The following DAG1 variants were observed in gnomAD, a reference collection of about 807,000 sequenced individuals.
DAG1 encodes the protein dystroglycan 1.
DAG1 carries 8 observed loss-of-function variants against 46.1 expected under a neutral mutation model. The ratio of observed to expected loss-of-function variants is 0.17; its 90% confidence interval spans 0.10 to 0.31. DAG1 has a LOEUF of 0.31. DAG1 is among the 10% of genes least tolerant of loss of function. The probability of loss-of-function intolerance (pLI) is 1.00; values close to 1 mark genes in which losing one functional copy is unlikely to be tolerated. For missense variants in DAG1, 1,003 were observed against 1,189.9 expected (o/e 0.84, Z 2.31); for synonymous variants, 495 against 481.8 (o/e 1.03, Z -0.36).
At chr3:49,495,234 A>G (rs2050281077) in intron 1 of DAG1, among the ~76,000 whole-genome samples, 1 of 152,196 alleles carries the variant, frequency 6.6e-6, no homozygotes, top group African/African-American at 2.4e-5. Flanking sequence ...TCAGAAGGCA[A>G]CTTTCAGTTT....
intron 2 of DAG1, among the ~76,000 whole-genome samples, chr3:49,511,815 C>T (rs2050768011): frequency 6.6e-6 from 1 of 152,216 alleles, no homozygotes; most frequent in Non-Finnish European, 1.5e-5. Flanking sequence ...CACCAAGCTC[C>T]AGGCAGTAAA....
At chr3:49,484,316 CGTT>C (rs932408781) in intron 1 of DAG1, among the ~76,000 whole-genome samples, 6 of 151,964 alleles carry the variant, frequency 3.9e-5, no homozygotes, top group Non-Finnish European at 8.8e-5. Context: ...TAGCAGGAGA[CGTT>C]GGTTCTTCTG....
At chr3:49,517,793 G>T (rs890585873) in intron 2 of DAG1, among the ~76,000 whole-genome samples, 2 of 152,212 alleles carry the variant, frequency 1.3e-5, no homozygotes, top group South Asian at 2.1e-4. Flanking sequence ...CATAGGACCT[G>T]TTTCGAAGTA....
intron 1 of DAG1, among the ~76,000 whole-genome samples, chr3:49,504,409 C>T (rs1210576761): frequency 2.0e-5 from 3 of 152,132 alleles, no homozygotes; most frequent in South Asian, 4.1e-4. Context: ...CATTGAAGGA[C>T]ATCTGGGTTG....
At chr3:49,486,410 G>A (rs192548779) in intron 1 of DAG1, among the ~76,000 whole-genome samples, 2 of 151,662 alleles carry the variant, frequency 1.3e-5, no homozygotes, top group Admixed American at 1.3e-4. Flanking sequence ...AGTAGAGACA[G>A]GGTTTCACCG....
chr3:49,518,335 G>A (rs1337813534), intron 2 of DAG1, among the ~76,000 whole-genome samples: 1 of 152,168 alleles, frequency 6.6e-6, no homozygotes, highest in Non-Finnish European at 1.5e-5. Flanking sequence ...TTAGATGCTG[G>A]TCTGTTGAAG....
intron 2 of DAG1, among the ~76,000 whole-genome samples, chr3:49,521,249 C>T (rs1233464818): frequency 6.6e-6 from 1 of 151,978 alleles, no homozygotes; most frequent in Non-Finnish European, 1.5e-5. Flanking sequence ...CTGCAAGCTC[C>T]GCCTCCTGGG....
At chr3:49,515,390 T>TG (rs1320382943) in intron 2 of DAG1, among the ~76,000 whole-genome samples, 9 of 147,308 alleles carry the variant, frequency 6.1e-5, no homozygotes, top group Admixed American at 1.4e-4. Flanking sequence ...CTTGTGTTGT[T>TG]TTTTTTTTTT....
chr3:49,483,236 T>C (rs1392009152), intron 1 of DAG1, among the ~76,000 whole-genome samples: 4 of 150,502 alleles, frequency 2.7e-5, no homozygotes, highest in African/African-American at 7.4e-5. Flanking sequence ...ACAGTTTTAG[T>C]CTTGTTGCCC....
Position 49,532,559 on chromosome 3 carries a change from AG to A in DAG1, c.2050del (p.Asp684MetfsTer13). The A allele has an allele frequency of 6.2e-7, 1 of 1,612,856 alleles. No homozygotes were observed. The highest frequency in any genetic ancestry group is 8.5e-7 in the Non-Finnish European group (1 of 1,178,946). On this transcript the variant is annotated frameshift_variant, in exon 3 of 3. Transcript: ENST00000308775. LOFTEE classifies it high-confidence loss of function. The surrounding 1 kb of genome is among the most constrained non-coding windows in gnomAD (Gnocchi z 5.4). ...QIAGLSRRIA[E>X]DDGKPRPAFS... Reference sequence around the variant, plus strand: ...GCTGGGCTGAGCCGCCGGATCGCTGAGGATGATGGAAAACCTCGGCCTGCCT... The same window carrying A: ...GCTGGGCTGAGCCGCCGGATCGCTGAGATGATGGAAAACCTCGGCCTGCCT...
At position 49,533,851 on chromosome 3, in the gene DAG1, A is replaced by T. The variant is rs568031131; in HGVS notation, c.*652A>T. On this transcript the variant is annotated 3_prime_UTR_variant, in exon 3 of 3. Coordinates refer to ENST00000308775, the MANE Select transcript of DAG1 (RefSeq NM_004393.6). ...AATACTATTTTTTCACACTACGTCA[A>T]CTTGGTTGCTCTGATACCCCAGAGC... 51 of 181,482 alleles carry T rather than the reference A, an allele frequency of 2.8e-4. No homozygotes were observed. The Middle Eastern group carries it at 8.2e-3, about 29-fold the overall frequency. 11.2% of individuals were successfully genotyped at this position (181,482 alleles called of 1,614,324 possible).
In DAG1 at chr3:49,532,830, C is replaced by T; in HGVS notation, c.2319C>T (p.Ile773=). The change falls in exon 3 of 3, where the codon ATC becomes ATT. Residue 773 remains isoleucine (I), a synonymous_variant. Coordinates refer to ENST00000308775, the MANE Select transcript of DAG1 (RefSeq NM_004393.6). The surrounding 1 kb of genome is among the most constrained non-coding windows in gnomAD (Gnocchi z 5.4). Reference sequence around the variant, plus strand: ...TCATTGCTGGCATCATTGCCATGATCTGCTACCGCAAGAAGCGGAAGGGCA... The same window carrying T: ...TCATTGCTGGCATCATTGCCATGATTTGCTACCGCAAGAAGCGGAAGGGCA... The part of the protein sequence containing the change: ...ILLIAGIIAM[I]CYRKKRKGKL... 1 of 1,614,104 alleles carries T rather than the reference C, an allele frequency of 6.2e-7. No homozygotes were observed. Among genetic ancestry groups the T allele is most frequent in the Non-Finnish European group, 8.5e-7 (1 of 1,180,008 alleles).
At position 49,512,377 on chromosome 3, in the gene DAG1, A is replaced by G. The variant is rs538592577; in HGVS notation, c.285+1558A>G. ...GTCACCACGCCCAGCTAATTTTTAA[A>G]TTTTAATTTATTTTAATTAATTAAT... On this transcript the variant is annotated intron_variant, in intron 2 of 2. Coordinates refer to ENST00000308775, the MANE Select transcript of DAG1 (RefSeq NM_004393.6). 3.1e-3 allele frequency among the ~76,000 whole-genome samples: 471 copies of G among 151,594 alleles called. 1 individual carries two copies. The highest frequency in any genetic ancestry group is 5.4e-3 in the Admixed American group (82 of 15,188).
At position 49,530,973 on chromosome 3, in the gene DAG1, C is replaced by T. The variant is rs199654893; in HGVS notation, c.462C>T (p.Ile154=). The change falls in exon 3 of 3, where the codon ATC becomes ATT. Residue 154 remains isoleucine, a synonymous_variant. Transcript: ENST00000308775. Reference sequence around the variant, plus strand: ...CCCAGACCTCCAGTGTGTTCTCCATCGAGGTCTACCCTGAAGACCACAGTG... The same window carrying T: ...CCCAGACCTCCAGTGTGTTCTCCATTGAGGTCTACCCTGAAGACCACAGTG... ...HIPQTSSVFS[I]EVYPEDHSEL... 41 of 1,614,144 alleles carry T rather than the reference C, an allele frequency of 2.5e-5. No individual in the cohort carries two copies. The East Asian group carries it at 7.1e-4, about 28-fold the overall frequency.
intron 1 of DAG1, among the ~76,000 whole-genome samples, chr3:49,504,641 C>T (rs2050549221): frequency 7.9e-6 from 1 of 126,072 alleles, no homozygotes; most frequent in East Asian, 2.3e-4. Flanking sequence ...GGCTGGAGTG[C>T]AGTGGCACGA....
chr3:49,491,299 C>T (rs986597644), intron 1 of DAG1, among the ~76,000 whole-genome samples: 11 of 148,394 alleles, frequency 7.4e-5, no homozygotes, highest in African/African-American at 1.2e-4. Context: ...TATGAGCCAC[C>T]GCTCCCAGCC....
rs890080513 is a variant in DAG1 at position 49,521,317 on chromosome 3, C to T, written c.286-9480C>T. ...TAGCTGGGACTACAGGCACCCGCCA[C>T]CACACCTGGCTTATTTTTTTTGTAT... On this transcript the variant is annotated intron_variant, in intron 2 of 2. Transcript: ENST00000308775. Among the ~76,000 whole-genome samples, 26 of 152,212 alleles carry T rather than the reference C, an allele frequency of 1.7e-4. No individual in the cohort carries two copies. In the East Asian group the frequency reaches 5.0e-3, roughly 29 times the overall value.
intron 1 of DAG1, among the ~76,000 whole-genome samples, chr3:49,481,845 G>T (rs1329033368): frequency 6.6e-6 from 1 of 152,148 alleles, no homozygotes; most frequent in Non-Finnish European, 1.5e-5. Context: ...CTCTTATAGA[G>T]TTCTTTCTCC....
chr3:49,513,760 TAA>T (rs1324421856), intron 2 of DAG1, among the ~76,000 whole-genome samples: 1 of 152,218 alleles, frequency 6.6e-6, no homozygotes, highest in African/African-American at 2.4e-5. Flanking sequence ...AGTGTTTGCA[TAA>T]AGTTTCCTTG....
Sources: allele counts gnomAD v4.1 joint callset (sites outside exome capture counted in the v4.1 genomes callset), GRCh38; gene constraint gnomAD v4.1.1; non-coding constraint Gnocchi (gnomAD v3.1); transcripts MANE v1.5; gene names NCBI Gene and HGNC (gene_info 2026-07-23, HGNC 2026-07-21).